MPDZ: variants seen among roughly 807,000 people sequenced by gnomAD.
MPDZ encodes the protein multiple PDZ domain crumbs cell polarity complex component.
In MPDZ, 234 loss-of-function variants were observed where a neutral mutation model predicts 239.1. The observed-to-expected ratio is 0.98, with a 90% confidence interval of 0.88 to 1.09. MPDZ has a LOEUF of 1.09. Among genes scored for constraint, MPDZ ranks in the 50% least tolerant of loss-of-function variants. The pLI is 0.00. For missense variants in MPDZ, 3,175 were observed against 2,510.0 expected, an observed-to-expected ratio of 1.26 and a Z score of -5.66; for synonymous variants, 1,048 against 881.3, an observed-to-expected ratio of 1.19 and a Z score of -3.35.
chr9:13,228,783 AGTTT>A (rs1961459674), intron 3 of MPDZ, among the ~76,000 whole-genome samples: 1 of 152,168 alleles, frequency 6.6e-6, no homozygotes, highest in Non-Finnish European at 1.5e-5. Context: ...TCACCTATAT[AGTTT>A]ATCAAAATAT....
intron 1 of MPDZ, among the ~76,000 whole-genome samples, chr9:13,258,804 T>A (rs1328287586): frequency 7.2e-5 from 11 of 152,306 alleles, no homozygotes; most frequent in Admixed American, 7.2e-4. Flanking sequence ...TTCCTAAATT[T>A]ATTCAATGAA....
At chr9:13,226,239 C>T (rs1249491996) in intron 3 of MPDZ, among the ~76,000 whole-genome samples, 1 of 152,068 alleles carries the variant, frequency 6.6e-6, no homozygotes, top group African/African-American at 2.4e-5. Context: ...AAAGATCATC[C>T]CACTTTGGGA....
At position 13,106,862 on chromosome 9, in the gene MPDZ, G is replaced by A. The variant is rs574612414; in HGVS notation, c.*103C>T. On this transcript the variant is annotated 3_prime_UTR_variant, in exon 47 of 47. Coordinates refer to ENST00000319217, the MANE Select transcript of MPDZ (RefSeq NM_001378778.1). ...AGTGTTATTTCCCCCCTACAGTTTT[G>A]AAGACCCGGCTGAACACAGCATAAA... is the stretch of plus-strand genomic sequence containing the variant. 4.5e-5 allele frequency: 60 copies of A among 1,319,176 alleles called. No individual in the cohort carries two copies. The South Asian group carries it at 1.0e-3, about 22-fold the overall frequency. The allele number at this position is 1,319,176 out of a possible 1,614,324, so 81.7% of individuals were successfully genotyped here. A position where few individuals can be genotyped will look rare whatever the true frequency, so the allele number is the denominator to read the frequency against.
rs761154587 is a variant in MPDZ, at chr9:13,222,234, G to T, written c.746C>A (p.Pro249Gln). The change falls in exon 6 of 47, where the codon CCG becomes CAG. Residue 249 changes from proline (P) to glutamine (Q), a missense_variant and splice_region_variant. Transcript: ENST00000319217. ...AASTISAHSN[P>Q]VHWQHMETIE... ...CTTTTGAAAATTTTAGGTACTCACC[G>T]GATTAGAGTGAGCTGAAATTGTGCT... 1 of 1,611,590 alleles carries T rather than the reference G, an allele frequency of 6.2e-7. No homozygotes were observed. Among genetic ancestry groups the T allele is most frequent in the South Asian group, 1.1e-5 (1 of 90,910 alleles).
At chr9:13,140,235 A>G (rs974253607) in intron 27 of MPDZ, 86 bp from the exon 28 acceptor site, 13 of 1,339,910 alleles carry the variant, frequency 9.7e-6, no homozygotes, top group African/African-American at 1.5e-5. Flanking sequence ...ACTGTCAAAA[A>G]CAAAGACTGG....
intron 3 of MPDZ, among the ~76,000 whole-genome samples, chr9:13,239,923 T>C (rs1005799037): frequency 2.0e-5 from 3 of 152,084 alleles, no homozygotes; most frequent in African/African-American, 4.8e-5. Flanking sequence ...ATCTCAACAA[T>C]TCTGTGTTTT....
chr9:13,193,355 T>G (rs774551742), intron 13 of MPDZ, 42 bp from the exon 14 acceptor site: 1 of 1,555,448 alleles, frequency 6.4e-7, no homozygotes, highest in Non-Finnish European at 8.7e-7. Context: ...TTTTATATTC[T>G]TTTTATTTTT....
chr9:13,126,735 T>C lies in MPDZ; in HGVS notation c.4502A>G (p.Asp1501Gly), dbSNP rs940236688. ...CTTTATGATGACTCCACTGAGTGTA[T>C]CTTCTTCGCTGATAGCAATACCCAA... is the stretch of plus-strand genomic sequence containing the variant. ...GGLGIAISEE[D>G]TLSGVIIKSL... The change falls in exon 33 of 47, where the codon GAT (aspartate) becomes GGT (glycine). Residue 1501 changes from aspartate to glycine, a missense_variant. By Grantham distance (94) the Asp-to-Gly change is moderately conservative. Transcript: ENST00000319217. The C allele has an allele frequency of 1.9e-6, 3 of 1,613,816 alleles. No individual in the cohort carries two copies. The highest frequency in any genetic ancestry group is 2.7e-5 in the African/African-American group (2 of 74,916).
At chr9:13,125,175 G>A (rs914743979) in intron 35 of MPDZ, 41 bp downstream of exon 35, 2 of 1,484,604 alleles carry the variant, frequency 1.3e-6, no homozygotes, top group Non-Finnish European at 1.8e-6. Flanking sequence ...GAGTTCAGGT[G>A]TTCCATATGT....
intron 1 of MPDZ, among the ~76,000 whole-genome samples, chr9:13,270,720 A>C (rs1047885452): frequency 6.6e-6 from 1 of 152,180 alleles, no homozygotes; most frequent in African/African-American, 2.4e-5. Flanking sequence ...TTAAAATTAC[A>C]TATGTGGCTC....
At chr9:13,227,063 A>G (rs1461243626) in intron 3 of MPDZ, among the ~76,000 whole-genome samples, 1 of 152,100 alleles carries the variant, frequency 6.6e-6, no homozygotes, top group African/African-American at 2.4e-5. Context: ...AACATTTGAG[A>G]TATCATTTAA....
intron 23 of MPDZ, among the ~76,000 whole-genome samples, chr9:13,159,695 A>G (rs1950237453): frequency 6.6e-6 from 1 of 152,152 alleles, no homozygotes; most frequent in Non-Finnish European, 1.5e-5. Context: ...CGTAGCCACA[A>G]TGCATCTTGC....
At chr9:13,249,820 T>G (rs946314135) in intron 2 of MPDZ, among the ~76,000 whole-genome samples, 1 of 152,218 alleles carries the variant, frequency 6.6e-6, no homozygotes, top group East Asian at 1.9e-4. Context: ...TATTTCAACC[T>G]AAATTATCTA....
chr9:13,206,181 T>C (rs1344234512), intron 10 of MPDZ, 82 bp from the exon 11 acceptor site: 5 of 1,273,830 alleles, frequency 3.9e-6, no homozygotes, highest in Non-Finnish European at 5.4e-6. Flanking sequence ...TGTGTATGTA[T>C]AGTTGTTAGT....
At chr9:13,172,823 C>A (rs971459988) in intron 21 of MPDZ, among the ~76,000 whole-genome samples, 1 of 152,090 alleles carries the variant, frequency 6.6e-6, no homozygotes, top group Non-Finnish European at 1.5e-5. Context: ...CTGTTTTCTT[C>A]CAATAACTTA....
At chr9:13,137,812 G>T in intron 29 of MPDZ, 145 bp downstream of exon 29, 1 of 827,480 alleles carries the variant, frequency 1.2e-6, no homozygotes, top group Non-Finnish European at 1.9e-6. Flanking sequence ...TTGGTTTAGA[G>T]CCAGATTTGC....
rs200311014 is a variant in MPDZ, at chr9:13,140,089, G to T, written c.3901C>A (p.Pro1301Thr). The T allele has an allele frequency of 2.5e-6, 4 of 1,613,496 alleles. No homozygotes were observed. The highest frequency in any genetic ancestry group is 4.5e-5 in the East Asian group (2 of 44,716). ...CCCATTTCGGCAAAGGCTGAAGGAG[G>T]GGGTGGGGGCACACTGCACAATGGA... ...KAPLCSVPPPPPSAFAEMGSD... is the reference protein window; with the variant it reads ...KAPLCSVPPPTPSAFAEMGSD... The change falls in exon 28 of 47, where the codon CCT becomes ACT. Residue 1301 changes from proline (P) to threonine (T), a missense_variant. Coordinates refer to ENST00000319217, the MANE Select transcript of MPDZ (RefSeq NM_001378778.1).
chr9:13,171,918 T>C (rs1316695508), intron 21 of MPDZ, among the ~76,000 whole-genome samples: 1 of 152,188 alleles, frequency 6.6e-6, no homozygotes, highest in Non-Finnish European at 1.5e-5. Flanking sequence ...CTTCATAATA[T>C]ACTTTTCCAC....
intron 21 of MPDZ, among the ~76,000 whole-genome samples, chr9:13,169,221 A>C (rs1006299315): frequency 6.6e-6 from 1 of 152,106 alleles, no homozygotes; most frequent in Admixed American, 6.6e-5. Flanking sequence ...GAACTTCTTT[A>C]AGCTTCTAAT....
Sources: allele counts gnomAD v4.1 joint callset (sites outside exome capture counted in the v4.1 genomes callset), GRCh38; gene constraint gnomAD v4.1.1; transcripts MANE v1.5; gene names NCBI Gene and HGNC (gene_info 2026-07-23, HGNC 2026-07-21).